The following CNOT1 variants were observed in gnomAD, a reference collection of about 807,000 sequenced individuals.
CNOT1 encodes the protein CCR4-associated factor 1.
A neutral mutation model predicts 273.8 loss-of-function variants in CNOT1; 15 were observed. The observed-to-expected ratio is 0.05, with a 90% CI of 0.04 to 0.08. The LOEUF is 0.08. CNOT1 is among the 10% of genes least tolerant of loss of function. The pLI is 1.00. For missense variants in CNOT1, 1,644 were observed against 2,912.2 expected, an observed-to-expected ratio of 0.56 and a Z score of 10.02; for synonymous variants, 1,022 against 1,005.5, an observed-to-expected ratio of 1.02 and a Z score of -0.31.
At chr16:58,573,723 C>T (rs1308732745) in intron 16 of CNOT1, among the ~76,000 whole-genome samples, 3 of 151,960 alleles carry the variant, frequency 2.0e-5, no homozygotes, top group East Asian at 1.9e-4. Context: ...ACTCATGATT[C>T]GCCCGCCTCG....
chr16:58,581,941 G>C (rs1055825377), intron 10 of CNOT1, among the ~76,000 whole-genome samples: 2 of 152,010 alleles, frequency 1.3e-5, no homozygotes, highest in African/African-American at 4.8e-5. Context: ...GGGATTACAG[G>C]AGTGAGCCTC....
At chr16:58,596,919 A>C (rs1303464304) in intron 2 of CNOT1, among the ~76,000 whole-genome samples, 1 of 128,556 alleles carries the variant, frequency 7.8e-6, no homozygotes, top group African/African-American at 3.1e-5. Context: ...AAAAAAAAAC[A>C]AAAGTCAATT....
rs767905924 is a variant in CNOT1, at chr16:58,587,222, T to C, written c.412A>G (p.Ser138Gly). ...IFGLALLNSS[S>G]SDLRGFAAQF... ...TCACCGAAACCTCTAAGATCTGAGC[T>C]GGAAGAATTCAACAGGGCAAGGCCA... The change falls in exon 6 of 49, where the codon AGC (serine) becomes GGC (glycine). Residue 138 changes from serine to glycine, a missense_variant. Ser to Gly is a moderately conservative substitution (Grantham distance 56). Transcript: ENST00000317147. 6.2e-7 allele frequency: 1 copy of C among 1,613,722 alleles called. No individual in the cohort carries two copies. The highest frequency in any genetic ancestry group is 8.5e-7 in the Non-Finnish European group (1 of 1,179,914).
intron 39 of CNOT1, among the ~76,000 whole-genome samples, chr16:58,536,712 T>C (rs552961051): frequency 6.6e-6 from 1 of 152,318 alleles, no homozygotes; most frequent in South Asian, 2.1e-4. Flanking sequence ...CATTTGGTAG[T>C]TTTATTATTC....
chr16:58,524,331 T>C (rs1434328585), intron 46 of CNOT1, among the ~76,000 whole-genome samples: 3 of 151,944 alleles, frequency 2.0e-5, no homozygotes, highest in Admixed American at 1.3e-4. Context: ...AGCCCACATT[T>C]TGATTAGTCT....
chr16:58,616,769 A>AT (rs2084019560), intron 1 of CNOT1, among the ~76,000 whole-genome samples: 1 of 151,994 alleles, frequency 6.6e-6, no homozygotes, highest in African/African-American at 2.4e-5. Context: ...AATTTTAGAG[A>AT]TTTTAAAGTA....
chr16:58,528,395 A>G (rs753423118), intron 44 of CNOT1, 80 bp downstream of exon 44: 9 of 961,816 alleles, frequency 9.4e-6, no homozygotes, highest in Non-Finnish European at 3.3e-6. Context: ...TTGGGTAGGA[A>G]AGTGCTGAAC....
chr16:58,581,325 G>A lies in CNOT1; in HGVS notation c.1215+20C>T. 6.3e-7 allele frequency: 1 copy of A among 1,594,272 alleles called. No individual in the cohort carries two copies. Among genetic ancestry groups the A allele is most frequent in the Non-Finnish European group, 8.5e-7 (1 of 1,172,382 alleles). ...GTCATGTTTTATTCCCCCATCTATA[G>A]CTAAATACCACTTACTCACCTGGCC... On this transcript the variant is annotated intron_variant, in intron 11 of 48. Coordinates refer to ENST00000317147, the MANE Select transcript of CNOT1 (RefSeq NM_016284.5).
intron 16 of CNOT1, 73 bp from the exon 17 acceptor site, chr16:58,560,435 G>A (rs2040793807): frequency 7.0e-7 from 1 of 1,434,218 alleles, no homozygotes. Context: ...CAACCGATCT[G>A]ATTTTTTTTT....
In CNOT1 at chr16:58,576,595, AG is replaced by A; in HGVS notation, c.1585-14del. On this transcript the variant is annotated splice_polypyrimidine_tract_variant and intron_variant, in intron 13 of 48. Transcript: ENST00000317147. ...AGGGAGACTGTCCCTAAAAAGGGGA[AG>A]AAAGATTAAATAGCAATACTGCTAA... 1 of 1,613,998 alleles carries A rather than the reference AG, an allele frequency of 6.2e-7. No homozygotes were observed. The highest frequency in any genetic ancestry group is 1.7e-4 in the Middle Eastern group (1 of 6,060).
chr16:58,583,276 A>G, intron 8 of CNOT1, 94 bp from the exon 9 acceptor site: 1 of 1,545,946 alleles, frequency 6.5e-7, no homozygotes, highest in Non-Finnish European at 8.7e-7. Flanking sequence ...TGAAAGCCTT[A>G]GTTTTACTAA....
At chr16:58,604,550 G>A (rs902401172) in intron 1 of CNOT1, among the ~76,000 whole-genome samples, 1 of 150,872 alleles carries the variant, frequency 6.6e-6, no homozygotes, top group Non-Finnish European at 1.5e-5. Flanking sequence ...GGGAGGCCAA[G>A]GCGGGTGAAT....
intron 16 of CNOT1, among the ~76,000 whole-genome samples, chr16:58,567,690 G>A (rs2041106188): frequency 6.6e-6 from 1 of 152,094 alleles, no homozygotes; most frequent in South Asian, 2.1e-4. Context: ...CTTATAACAA[G>A]TGGGAAATTT....
intron 16 of CNOT1, among the ~76,000 whole-genome samples, chr16:58,566,840 A>G (rs1206451052): frequency 6.6e-6 from 1 of 152,058 alleles, no homozygotes; most frequent in Non-Finnish European, 1.5e-5. Context: ...CTCCATGTTG[A>G]TCAGGCTGGT....
intron 14 of CNOT1, 137 bp from the exon 15 acceptor site, chr16:58,575,266 A>C: frequency 7.8e-7 from 1 of 1,275,170 alleles, no homozygotes; most frequent in African/African-American, 1.5e-5. Flanking sequence ...CAATTTAAAC[A>C]GCTAAGCACA....
chr16:58,605,914 C>A (rs1424237883), intron 1 of CNOT1, among the ~76,000 whole-genome samples: 2 of 152,098 alleles, frequency 1.3e-5, no homozygotes, highest in African/African-American at 4.8e-5. Flanking sequence ...CCTAGGCCTC[C>A]CAAAGTGCTA....
chr16:58,589,385 T>A (rs989547706), intron 2 of CNOT1, among the ~76,000 whole-genome samples: 41 of 151,952 alleles, frequency 2.7e-4, no homozygotes, highest in African/African-American at 9.9e-4. Context: ...TGGTGATGGG[T>A]GCCTGTAACC....
At chr16:58,598,585 G>GT (rs1191460362) in intron 2 of CNOT1, among the ~76,000 whole-genome samples, 1 of 150,528 alleles carries the variant, frequency 6.6e-6, no homozygotes, top group East Asian at 2.0e-4. Flanking sequence ...AGAGATTGCA[G>GT]TAAGACAAAA....
rs374785671 is a variant in CNOT1, at chr16:58,597,745, C to A, written c.102+1491G>T. 8.2e-4 allele frequency: 416 copies of A among 509,618 alleles called. 9 individuals carry two copies. The highest frequency in any genetic ancestry group is 5.8e-3 in the South Asian group (399 of 68,594). The allele number at this position is 509,618 out of a possible 1,614,324, so 31.6% of individuals were successfully genotyped here. ...ACAGGAGGGTGTGATGGTGGCCCAC[C>A]AAGTACTGAGTGAAGGAGTCCAGGG... On this transcript the variant is annotated intron_variant, in intron 2 of 48. Transcript: ENST00000317147.
Sources: gnomAD v4.1 joint callset for allele counts (sites outside exome capture counted in the v4.1 genomes callset) on GRCh38, gnomAD v4.1.1 for gene constraint, MANE v1.5 for transcripts, NCBI Gene and HGNC (gene_info 2026-07-23, HGNC 2026-07-21) for gene names.